The following BRCC3 variants were observed in gnomAD, a reference collection of about 807,000 sequenced individuals.
The protein encoded by BRCC3 is lys-63-specific deubiquitinase BRCC36.
In BRCC3, 15 loss-of-function variants were observed where a neutral mutation model predicts 28.0. The observed-to-expected ratio is 0.54, with a 90% confidence interval of 0.36 to 0.82. The LOEUF (loss-of-function observed/expected upper bound fraction) is 0.82. BRCC3 is among the 40% of genes least tolerant of loss of function. The probability of loss-of-function intolerance (pLI) is 0.01; values close to 1 mark genes in which losing one functional copy is unlikely to be tolerated. For synonymous variants in BRCC3, 66 were observed against 80.3 expected (o/e 0.82, Z 0.95); for missense variants, 109 against 225.9 (o/e 0.48, Z 3.32).
At chrX:155,107,477 A>T in intron 7 of BRCC3, among the ~76,000 whole-genome samples, 1 of 110,357 alleles carries the variant, frequency 9.1e-6, no homozygotes, top group Middle Eastern at 4.7e-3. Context: ...TTATTTCTCC[A>T]GCCATGTTCT....
chrX:155,101,643 G>A (rs2074247686), intron 7 of BRCC3, among the ~76,000 whole-genome samples: 1 of 111,953 alleles, frequency 8.9e-6, no homozygotes, highest in Non-Finnish European at 1.9e-5. Context: ...GAGGCACCCA[G>A]TGTTTCAGAA....
Position 155,096,216 on chromosome X carries a change from A to G in BRCC3, c.548+5377A>G, listed in dbSNP as rs1408963544. On this transcript the variant is annotated intron_variant, in intron 7 of 10. Transcript: ENST00000330045. ...GGAAGTATCCAGAATAGCTAAATCCATAGAGACAGAAAGCAGATTGGTGTT... is the reference window on the plus strand; with the variant it reads ...GGAAGTATCCAGAATAGCTAAATCCGTAGAGACAGAAAGCAGATTGGTGTT... 3.6e-5 allele frequency among the ~76,000 whole-genome samples: 4 copies of G among 112,366 alleles called. No individual in the cohort carries two copies. The South Asian group carries it at 1.1e-3, about 31-fold the overall frequency.
At chrX:155,089,415 CAGAGT>C in intron 6 of BRCC3, 64 bp downstream of exon 6, 2 of 706,846 alleles carry the variant, frequency 2.8e-6, no homozygotes, top group Non-Finnish European at 4.1e-6. Context: ...TGTCTACACA[CAGAGT>C]AGAGAAAAAT....
chrX:155,075,633 C>CT (rs1386369170), intron 3 of BRCC3, among the ~76,000 whole-genome samples: 7 of 112,151 alleles, frequency 6.2e-5, no homozygotes, highest in African/African-American at 2.3e-4. Context: ...ACCCATGGTC[C>CT]ATAAGCTACC....
chrX:155,117,515 G>C (rs782072097), intron 9 of BRCC3, among the ~76,000 whole-genome samples: 2 of 111,107 alleles, frequency 1.8e-5, no homozygotes, highest in South Asian at 7.6e-4. Flanking sequence ...TGTTATAGGC[G>C]GTTACTTTTC....
chrX:155,120,194 G>C (rs782236474), intron 10 of BRCC3, 26 bp downstream of exon 10: 4 of 1,094,648 alleles, frequency 3.7e-6, no homozygotes, highest in Non-Finnish European at 5.0e-6. Context: ...TTCAATTTGT[G>C]TACTAAACAC....
At chrX:155,103,119 T>G (rs1264632230) in intron 7 of BRCC3, among the ~76,000 whole-genome samples, 1 of 112,766 alleles carries the variant, frequency 8.9e-6, no homozygotes, top group African/African-American at 3.2e-5. Context: ...ATAAGAATCT[T>G]GCAACATCAT....
chrX:155,088,493 A>G (rs2074150837), intron 5 of BRCC3, among the ~76,000 whole-genome samples: 1 of 109,099 alleles, frequency 9.2e-6, no homozygotes. Context: ...AGCTGGGATT[A>G]CAGGCATCCG....
At chrX:155,097,109 A>C (rs782187943) in intron 7 of BRCC3, among the ~76,000 whole-genome samples, 1 of 112,160 alleles carries the variant, frequency 8.9e-6, no homozygotes, top group African/African-American at 3.2e-5. Flanking sequence ...GATTTTATGA[A>C]TACGACTCCA....
Position 155,116,152 on chromosome X carries a change from G to A in BRCC3, c.644G>A (p.Cys215Tyr). 2 of 1,200,359 alleles carry A rather than the reference G, an allele frequency of 1.7e-6. No individual in the cohort carries two copies. Among genetic ancestry groups the A allele is most frequent in the Non-Finnish European group, 2.2e-6 (2 of 889,083 alleles). The change falls in exon 8 of 11, where the codon TGC becomes TAC. Residue 215 changes from cysteine to tyrosine, a missense_variant. Coordinates refer to ENST00000330045, the MANE Select transcript of BRCC3 (RefSeq NM_001018055.3). ...ESAVELPKIL[C>Y]QEEQDAYRRI... ...GCAGTAGAGCTGCCCAAGATCCTGT[G>A]CCAGGAGGAGCAGGATGCGTATAGG...
Position 155,085,374 on chromosome X carries a change from C to A in BRCC3, c.404-3889C>A, listed in dbSNP as rs782336234. ...GTTTCTTAAATACCTGTGTAATTGC[C>A]CACAAAGGGGCCCAGTGCATGTGAC... On this transcript the variant is annotated intron_variant, in intron 5 of 10. Transcript: ENST00000330045. Among the ~76,000 whole-genome samples, 6 of 112,334 alleles carry A rather than the reference C, an allele frequency of 5.3e-5. No individual in the cohort carries two copies. In the East Asian group the frequency reaches 1.7e-3, roughly 31 times the overall value.
intron 10 of BRCC3, 123 bp downstream of exon 10, chrX:155,120,291 A>G: frequency 1.9e-6 from 1 of 530,649 alleles, no homozygotes; most frequent in Non-Finnish European, 3.1e-6. Context: ...TCTTCCTGAC[A>G]GTTTAATTAG....
chrX:155,073,414 C>T lies in BRCC3; in HGVS notation c.178C>T (p.Arg60Cys), dbSNP rs782698211. ...SKFAYTGTEMRTVAEKVDAVR... is the reference protein window; with the variant it reads ...SKFAYTGTEMCTVAEKVDAVR... ...ATTTGCATATACTGGAACTGAAATG[C>T]GCACAGTTGCTGAAAAGGTATGTGT... The change falls in exon 3 of 11, where the codon CGC (arginine) becomes TGC (cysteine). Residue 60 changes from arginine to cysteine, a missense_variant. This residue lies in a region of BRCC3 where 58 missense variants were observed against 92.8 expected (regional missense o/e 0.63). Coordinates refer to ENST00000330045, the MANE Select transcript of BRCC3 (RefSeq NM_001018055.3). 25 of 1,165,643 alleles carry T rather than the reference C, an allele frequency of 2.1e-5. No individual in the cohort carries two copies. The highest frequency in any genetic ancestry group is 1.3e-4 in the East Asian group (4 of 30,985).
intron 6 of BRCC3, 39 bp downstream of exon 6, chrX:155,089,390 TA>T: frequency 1.2e-6 from 1 of 846,438 alleles, no homozygotes; most frequent in Non-Finnish European, 1.7e-6. Flanking sequence ...TGTGTGTGTG[TA>T]GGGTCTGTGT....
chrX:155,105,943 G>A (rs782765233), intron 7 of BRCC3, among the ~76,000 whole-genome samples: 4 of 112,145 alleles, frequency 3.6e-5, no homozygotes, highest in African/African-American at 1.3e-4. Context: ...CCAAAGTGCT[G>A]GGATTACAGG....
At chrX:155,106,742 A>T (rs782399485) in intron 7 of BRCC3, among the ~76,000 whole-genome samples, 1 of 112,679 alleles carries the variant, frequency 8.9e-6, no homozygotes, top group Non-Finnish European at 1.9e-5. Context: ...AAATGTAAGT[A>T]GCAGTGAGAC....
At chrX:155,116,885 G>C (rs2074360185) in intron 9 of BRCC3, 131 bp downstream of exon 9, 3 of 451,190 alleles carry the variant, frequency 6.6e-6, no homozygotes, top group Admixed American at 7.2e-5. Flanking sequence ...CCTTTCCCAA[G>C]GGTTTTCCTG....
chrX:155,103,036 A>G (rs1370010187), intron 7 of BRCC3, among the ~76,000 whole-genome samples: 1 of 111,679 alleles, frequency 9.0e-6, no homozygotes, highest in Non-Finnish European at 1.9e-5. Context: ...GTTGAAAACC[A>G]CTAGTTTATA....
intron 3 of BRCC3, among the ~76,000 whole-genome samples, chrX:155,074,348 A>G (rs2074012067): frequency 9.1e-6 from 1 of 110,164 alleles, no homozygotes; most frequent in Non-Finnish European, 1.9e-5. Flanking sequence ...TACAATTACT[A>G]CTCCTTCACC....
Sources: allele counts gnomAD v4.1 joint callset (sites outside exome capture counted in the v4.1 genomes callset), GRCh38; gene constraint gnomAD v4.1.1; regional missense constraint gnomAD v4.1.1; transcripts MANE v1.5; gene names NCBI Gene and HGNC (gene_info 2026-07-23, HGNC 2026-07-21).